Variants in TJP1 observed in about 807,000 individuals in gnomAD.
The protein encoded by TJP1 is tight junction protein ZO-1.
TJP1 carries 43 observed loss-of-function variants against 194.2 expected under a neutral mutation model. The ratio of observed to expected loss-of-function variants is 0.22; its 90% CI spans 0.17 to 0.29. TJP1 has a LOEUF of 0.29. Among genes scored for constraint, TJP1 ranks in the 10% least tolerant of loss-of-function variants. TJP1 has a pLI of 1.00. For missense variants in TJP1, 1,971 were observed against 2,185.7 expected (o/e 0.90, Z 1.96); for synonymous variants, 801 against 779.0 (o/e 1.03, Z -0.47).
intron 8 of TJP1, among the ~76,000 whole-genome samples, chr15:29,752,171 C>T (rs775878489): frequency 1.6e-4 from 24 of 151,598 alleles, no homozygotes; most frequent in Non-Finnish European, 2.5e-4. Flanking sequence ...GGCATGATCT[C>T]GGCTCACTGC....
intron 1 of TJP1, among the ~76,000 whole-genome samples, chr15:29,966,451 C>T (rs768451751): frequency 2.0e-5 from 3 of 151,812 alleles, no homozygotes; most frequent in Admixed American, 1.3e-4. Flanking sequence ...TGCAATGAGC[C>T]GAGATCTGCC....
At chr15:29,944,383 C>A (rs568065322) in intron 2 of TJP1, among the ~76,000 whole-genome samples, 33 of 152,242 alleles carry the variant, frequency 2.2e-4, no homozygotes, top group Admixed American at 5.9e-4. Context: ...GCGTGAGCCA[C>A]CGCGCCCGGC....
At chr15:29,825,613 A>G (rs1055624294), upstream of TJP1, among the ~76,000 whole-genome samples, 1 of 152,216 alleles carries the variant, frequency 6.6e-6, no homozygotes, top group African/African-American at 2.4e-5. Flanking sequence ...TATGGTTTTA[A>G]TTGCAAAAAA....
In TJP1 at chr15:29,762,318, T is replaced by TAAG. The variant is rs2046059210; in HGVS notation, c.693+14_693+16dup. On this transcript the variant is annotated intron_variant, in intron 6 of 27. Coordinates refer to ENST00000614355, the MANE Select transcript of TJP1 (RefSeq NM_001330239.4). ...TTTTCTATTTCAGTTCATTAAAAAG[T>TAAG]AAGAATATGATTATACCTTCAATAC... is the stretch of plus-strand genomic sequence containing the variant. 6.3e-7 allele frequency: 1 copy of TAAG among 1,587,008 alleles called. No homozygotes were observed. The highest frequency in any genetic ancestry group is 8.6e-7 in the Non-Finnish European group (1 of 1,159,692).
At chr15:29,789,631 A>C (rs2047941056) in intron 2 of TJP1, among the ~76,000 whole-genome samples, 1 of 152,234 alleles carries the variant, frequency 6.6e-6, no homozygotes, top group Admixed American at 6.5e-5. Context: ...CTAGACAGTA[A>C]ATAGCAGAAA....
intron 11 of TJP1, 76 bp from the exon 12 acceptor site, chr15:29,734,458 C>T (rs1392855489): frequency 2.0e-6 from 2 of 1,014,376 alleles, no homozygotes; most frequent in East Asian, 5.1e-5. Context: ...CACAGATACT[C>T]TCAGTCTACC....
intron 2 of TJP1, among the ~76,000 whole-genome samples, chr15:29,869,795 C>CTTTTTTTTTTTTTTTTTTTTT (rs11318770): frequency 3.6e-5 from 2 of 56,002 alleles, no homozygotes; most frequent in Non-Finnish European, 6.4e-5. Context: ...TTCTTTCTTT[C>CTTTTTTTTTTTTTTTTTTTTT]TTTTTTTTTT....
chr15:29,806,126 T>C (rs981125923), intron 1 of TJP1, among the ~76,000 whole-genome samples: 1 of 152,106 alleles, frequency 6.6e-6, no homozygotes, highest in African/African-American at 2.4e-5. Flanking sequence ...GGGAAAATGA[T>C]TTGAGAAAGG....
rs140215214 is a variant in TJP1, at chr15:29,780,563, G to T, written c.85-7206C>A. Among the ~76,000 whole-genome samples the T allele has an allele frequency of 7.9e-5, 12 of 152,268 alleles. No individual in the cohort carries two copies. The East Asian group carries it at 2.3e-3, about 29-fold the overall frequency. ...GGCCAAAGATCCGTACATCTCTGTGGCCTGGGGGATGGAGACCTCCGCTCT... is the reference window on the plus strand; with the variant it reads ...GGCCAAAGATCCGTACATCTCTGTGTCCTGGGGGATGGAGACCTCCGCTCT... On this transcript the variant is annotated intron_variant, in intron 2 of 27. Coordinates refer to ENST00000614355, the MANE Select transcript of TJP1 (RefSeq NM_001330239.4).
intron 2 of TJP1, among the ~76,000 whole-genome samples, chr15:29,906,427 C>T (rs1287736424): frequency 6.7e-6 from 1 of 150,352 alleles, no homozygotes; most frequent in Non-Finnish European, 1.5e-5. Context: ...GAGATCGCAC[C>T]ATTGCACTCC....
intron 8 of TJP1, among the ~76,000 whole-genome samples, chr15:29,758,393 A>C (rs2045786106): frequency 6.6e-6 from 1 of 152,078 alleles, no homozygotes; most frequent in Non-Finnish European, 1.5e-5. Flanking sequence ...ACCTAGGAGA[A>C]AAAAAAATCA....
At chr15:29,723,265 G>A (rs1037291390) in intron 18 of TJP1, among the ~76,000 whole-genome samples, 29 of 152,168 alleles carry the variant, frequency 1.9e-4, no homozygotes, top group African/African-American at 1.4e-4. Flanking sequence ...CCTCAGTGTT[G>A]GAGTGGGGCC....
chr15:29,944,855 T>C (rs1052973240), intron 2 of TJP1, among the ~76,000 whole-genome samples: 1 of 152,224 alleles, frequency 6.6e-6, no homozygotes, highest in Admixed American at 6.5e-5. Context: ...TTCATTCTTT[T>C]GTTGATCTGA....
At chr15:29,715,590 A>T (rs1293976310) in intron 23 of TJP1, among the ~76,000 whole-genome samples, 1 of 152,220 alleles carries the variant, frequency 6.6e-6, no homozygotes, top group Non-Finnish European at 1.5e-5. Context: ...GGTGCTTTTA[A>T]TATAGACACA....
chr15:29,894,663 G>A (rs900317077), intron 2 of TJP1, among the ~76,000 whole-genome samples: 3 of 152,168 alleles, frequency 2.0e-5, no homozygotes, highest in East Asian at 1.9e-4. Context: ...GGCTGGAATC[G>A]CACACCAGTG....
intron 2 of TJP1, among the ~76,000 whole-genome samples, chr15:29,843,618 C>A (rs930896854): frequency 6.6e-6 from 1 of 152,156 alleles, no homozygotes; most frequent in Admixed American, 6.5e-5. Context: ...TCTTCCCCTG[C>A]CCCACAGCTT....
intron 8 of TJP1, among the ~76,000 whole-genome samples, chr15:29,748,737 T>G (rs1454650830): frequency 6.6e-6 from 1 of 151,974 alleles, no homozygotes; most frequent in African/African-American, 2.4e-5. Context: ...CATACCCTGC[T>G]AACTTTTTCT....
chr15:29,835,145 A>C (rs542094465), intron 2 of TJP1, among the ~76,000 whole-genome samples: 1 of 152,260 alleles, frequency 6.6e-6, no homozygotes, highest in African/African-American at 2.4e-5. Flanking sequence ...AAAGCTGAAG[A>C]TCTTTTTCAT....
chr15:29,954,011 T>G, intron 2 of TJP1, among the ~76,000 whole-genome samples: 1 of 152,194 alleles, frequency 6.6e-6, no homozygotes, highest in East Asian at 1.9e-4. Flanking sequence ...AATGTTAAAA[T>G]GCCTCCCTTC....
Sources: gnomAD v4.1 joint callset for allele counts (sites outside exome capture counted in the v4.1 genomes callset) on GRCh38, gnomAD v4.1.1 for gene constraint, MANE v1.5 for transcripts, NCBI Gene and HGNC (gene_info 2026-07-23, HGNC 2026-07-21) for gene names.